ZNF41: variants seen among roughly 807,000 people sequenced by gnomAD.
ZNF41 encodes zinc finger protein 41.
In ZNF41, 6 loss-of-function variants were observed where a neutral mutation model predicts 9.3. The observed-to-expected ratio is 0.65, with a 90% CI of 0.35 to 1.28. The LOEUF (loss-of-function observed/expected upper bound fraction) is 1.28, where lower values mean the gene tolerates loss of function less well. Among genes scored for constraint, ZNF41 ranks in the 50% most tolerant of loss-of-function variants. The probability of loss-of-function intolerance (pLI) is 0.03; values close to 1 mark genes in which losing one functional copy is unlikely to be tolerated. For synonymous variants in ZNF41, 192 were observed against 207.1 expected, an observed-to-expected ratio of 0.93 and a Z score of 0.63; for missense variants, 523 against 585.8, an observed-to-expected ratio of 0.89 and a Z score of 1.11.
At chrX:47,453,752 A>G (rs1422187184) in intron 4 of ZNF41, among the ~76,000 whole-genome samples, 1 of 112,215 alleles carries the variant, frequency 8.9e-6, no homozygotes, top group Non-Finnish European at 1.9e-5. Context: ...AATCAGGAAT[A>G]GAATAATTAC....
intron 1 of ZNF41, among the ~76,000 whole-genome samples, chrX:47,470,773 G>GA (rs1569298090): frequency 1.8e-5 from 2 of 108,839 alleles, no homozygotes; most frequent in African/African-American, 3.3e-5. Context: ...AGAAAAAAAG[G>GA]AAAAAAAATA....
chrX:47,459,742 T>TAAAAAAAAAAAA (rs768291943), intron 2 of ZNF41, among the ~76,000 whole-genome samples: 1 of 16,160 alleles, frequency 6.2e-5, no homozygotes, highest in East Asian at 2.1e-3. Flanking sequence ...AGACCCTATC[T>TAAAAAAAAAAAA]AAAAAAAAAA....
Position 47,447,996 on chromosome X carries a change from A to G in ZNF41, c.1774T>C (p.Ser592Pro), listed in dbSNP as rs1424745033. ...KDCGKAFIQK[S>P]TLSVHQRIHT... is the part of the protein sequence containing the mutation. ...ATTCTCTGATGCACGCTTAGTGTTG[A>G]TTTCTGGATGAAGGCTTTCCCGCAG... Residue 592 changes from serine (S) to proline (P), a missense_variant, in exon 5 of 5, where the codon TCA (serine) becomes CCA (proline). By Grantham distance (74) the Ser-to-Pro change is moderately conservative. Transcript: ENST00000684689. The G allele has an allele frequency of 8.3e-7, 1 of 1,210,793 alleles. No homozygotes were observed. The highest frequency in any genetic ancestry group is 3.0e-5 in the East Asian group (1 of 33,779).
chrX:47,468,228 C>T (rs757841285), intron 1 of ZNF41, among the ~76,000 whole-genome samples: 3 of 111,091 alleles, frequency 2.7e-5, no homozygotes, highest in African/African-American at 9.8e-5. Flanking sequence ...GTATGCCTGG[C>T]TCCAAAGCAT....
At chrX:47,479,680 A>C (rs902414625) in intron 1 of ZNF41, among the ~76,000 whole-genome samples, 1 of 107,985 alleles carries the variant, frequency 9.3e-6, no homozygotes, top group African/African-American at 3.3e-5. Context: ...ATAAAAACAA[A>C]GGTAAAATAT....
rs747513361 is a variant in ZNF41, at chrX:47,456,447, T to C, written c.73-49A>G. 5 of 1,208,948 alleles carry C rather than the reference T, an allele frequency of 4.1e-6. No individual in the cohort carries two copies. The East Asian group carries it at 1.5e-4, about 36-fold the overall frequency. ...AGGCAGCATGGTCAGCACTGGGGGA[T>C]GGAAGAAGGTAGATAGCAAGTTGTT... is the stretch of plus-strand genomic sequence containing the variant. On this transcript the variant is annotated intron_variant, in intron 2 of 4. Coordinates refer to ENST00000684689, the MANE Select transcript of ZNF41 (RefSeq NM_001324144.2).
chrX:47,481,238 T>C (rs2057464729), intron 1 of ZNF41, among the ~76,000 whole-genome samples: 1 of 111,040 alleles, frequency 9.0e-6, no homozygotes, highest in Non-Finnish European at 1.9e-5. Flanking sequence ...GCCAAGGAGT[T>C]CAAGACCAGC....
intron 1 of ZNF41, 48 bp downstream of exon 1, chrX:47,483,047 C>T (rs1192340244): frequency 8.9e-6 from 1 of 112,480 alleles, no homozygotes; most frequent in Non-Finnish European, 1.9e-5. Context: ...GCGGCGACCC[C>T]TCTCCCGCGG....
intron 2 of ZNF41, among the ~76,000 whole-genome samples, chrX:47,459,742 T>TAA (rs768291943): frequency 0.049 from 781 of 16,099 alleles, 47 homozygotes; most frequent in Middle Eastern, 0.17. Context: ...AGACCCTATC[T>TAA]AAAAAAAAAA....
chrX:47,478,415 G>A (rs1462726123), intron 1 of ZNF41, among the ~76,000 whole-genome samples: 1 of 110,636 alleles, frequency 9.0e-6, no homozygotes, highest in African/African-American at 3.3e-5. Context: ...GCTGAGGCAG[G>A]AGAATTGCTT....
rs2056542295 is a variant in ZNF41 at position 47,455,922 on chromosome X, T to G, written c.294A>C (p.Ser98=). The change falls in exon 4 of 5, where the codon TCA becomes TCC. Residue 98 remains serine (S), a splice_region_variant and synonymous_variant. Transcript: ENST00000684689. ...TCTGTCTGGGTCATGCTCACTCACCTGAACAGCTCTGATGTGGGGCTTCCC... is the reference window on the plus strand; with the variant it reads ...TCTGTCTGGGTCATGCTCACTCACCGGAACAGCTCTGATGTGGGGCTTCCC... ...LEGEAPHQSC[S]GEAIGKMQQQ... 6.6e-6 allele frequency: 8 copies of G among 1,209,900 alleles called. No individual in the cohort carries two copies. Among genetic ancestry groups the G allele is most frequent in the Non-Finnish European group, 9.0e-6 (8 of 893,814 alleles).
At chrX:47,478,179 A>G (rs1208754925) in intron 1 of ZNF41, among the ~76,000 whole-genome samples, 2 of 112,223 alleles carry the variant, frequency 1.8e-5, no homozygotes, top group Non-Finnish European at 3.8e-5. Flanking sequence ...TATTGCACCT[A>G]TAGTTAACAG....
chrX:47,461,872 C>A (rs2056808205), intron 2 of ZNF41, among the ~76,000 whole-genome samples: 1 of 109,255 alleles, frequency 9.2e-6, no homozygotes, highest in African/African-American at 3.3e-5. Context: ...CCATGCCCAG[C>A]TAATTTTTAA....
intron 2 of ZNF41, among the ~76,000 whole-genome samples, chrX:47,462,008 A>G (rs1238351139): frequency 1.9e-5 from 2 of 105,244 alleles, no homozygotes; most frequent in Non-Finnish European, 3.9e-5. Flanking sequence ...GATTACAGGC[A>G]TGAGCCACAG....
chrX:47,459,658 C>T (rs2056703376), intron 2 of ZNF41, among the ~76,000 whole-genome samples: 1 of 102,057 alleles, frequency 9.8e-6, no homozygotes, highest in African/African-American at 3.6e-5. Context: ...GTGGGAGAAT[C>T]ACCTGAACCT....
In ZNF41 at chrX:47,454,581, A is replaced by T. The variant is rs2056482455; in HGVS notation, c.295+1340T>A. On this transcript the variant is annotated intron_variant, in intron 4 of 4. Coordinates refer to ENST00000684689, the MANE Select transcript of ZNF41 (RefSeq NM_001324144.2). ...AGAAATTCTCATACCCTGTAAGGAA[A>T]CATTTATGTAGAAGTTGATTGCAGA... Among the ~76,000 whole-genome samples, 4 of 111,975 alleles carry T rather than the reference A, an allele frequency of 3.6e-5. No individual in the cohort carries two copies. The South Asian group carries it at 1.5e-3, about 41-fold the overall frequency.
chrX:47,468,857 C>T (rs778734319), intron 1 of ZNF41, among the ~76,000 whole-genome samples: 5 of 111,178 alleles, frequency 4.5e-5, no homozygotes, highest in South Asian at 3.8e-4. Context: ...AGAACCAACA[C>T]GTCATTTACA....
intron 2 of ZNF41, among the ~76,000 whole-genome samples, chrX:47,459,341 C>T (rs1263677418): frequency 3.6e-5 from 4 of 109,844 alleles, no homozygotes; most frequent in Admixed American, 9.8e-5. Context: ...CAGAGTGAGA[C>T]TCAGTCTCAA....
At chrX:47,478,426 G>C (rs2057391899) in intron 1 of ZNF41, among the ~76,000 whole-genome samples, 1 of 110,458 alleles carries the variant, frequency 9.1e-6, no homozygotes, top group African/African-American at 3.3e-5. Flanking sequence ...AGAATTGCTT[G>C]AACCTGGGAG....
Sources: gnomAD v4.1 joint callset for allele counts (sites outside exome capture counted in the v4.1 genomes callset) on GRCh38, gnomAD v4.1.1 for gene constraint, MANE v1.5 for transcripts, NCBI Gene and HGNC (gene_info 2026-07-23, HGNC 2026-07-21) for gene names.